Variants in WFDC1 observed in about 807,000 individuals in gnomAD.
WFDC1 encodes WAP four-disulfide core domain protein 1.
A neutral mutation model predicts 32.9 loss-of-function variants in WFDC1; 39 were observed. That is an observed-to-expected ratio of 1.19 (90% CI 0.92 to 1.55). The LOEUF is 1.55. WFDC1 is among the 40% of genes most tolerant of loss of function. The pLI, the probability that WFDC1 is intolerant of heterozygous loss-of-function variation, is 0.00. For synonymous variants in WFDC1, 184 were observed against 137.4 expected, an observed-to-expected ratio of 1.34 and a Z score of -2.37; for missense variants, 386 against 309.5, an observed-to-expected ratio of 1.25 and a Z score of -1.85.
At chr16:84,319,335 C>A (rs942146372) in intron 3 of WFDC1, 96 bp from the exon 4 acceptor site, 33 of 1,520,798 alleles carry the variant, frequency 2.2e-5, no homozygotes, top group Non-Finnish European at 2.7e-5. Context: ...AGGTGCGTTC[C>A]CTGCACCCGT....
chr16:84,317,479 T>C (rs71404159), intron 2 of WFDC1: 9,119 of 152,258 alleles, frequency 0.06, 411 homozygotes, highest in Non-Finnish European at 0.087. Context: ...GCTGTGGCCC[T>C]GCCTGGTCTG....
At chr16:84,299,176 C>T (rs1906784608) in intron 1 of WFDC1, among the ~76,000 whole-genome samples, 1 of 152,016 alleles carries the variant, frequency 6.6e-6, no homozygotes, top group Non-Finnish European at 1.5e-5. Context: ...GCCTGACCAA[C>T]ATGGAGAAAC....
chr16:84,318,157 T>C, intron 2 of WFDC1, 115 bp from the exon 3 acceptor site: 1 of 898,242 alleles, frequency 1.1e-6, no homozygotes, highest in Non-Finnish European at 1.8e-6. Context: ...ACCATAGTTA[T>C]TTCTCCCATG....
At chr16:84,308,634 T>C (rs138360096) in intron 1 of WFDC1, among the ~76,000 whole-genome samples, 39 of 152,186 alleles carry the variant, frequency 2.6e-4, no homozygotes, top group Non-Finnish European at 4.3e-4. Flanking sequence ...TGAGTGTAGA[T>C]GCCCGCCTGG....
intron 6 of WFDC1, chr16:84,327,284 A>G (rs12600103): frequency 0.32 from 84,909 of 261,556 alleles, 14,303 homozygotes; most frequent in African/African-American, 0.41. Flanking sequence ...TCAGACTCCT[A>G]GGCTCAAGCC....
Position 84,318,199 on chromosome 16 carries a change from GC to G in WFDC1, c.338-68del, listed in dbSNP as rs1445101257. 229 of 1,441,956 alleles carry G rather than the reference GC, an allele frequency of 1.6e-4. 2 individuals carry two copies. Among genetic ancestry groups the G allele is most frequent in the South Asian group, 1.4e-3 (122 of 86,338 alleles). 89.3% of individuals were successfully genotyped at this position (1,441,956 alleles called of 1,614,324 possible). A position where few individuals can be genotyped will look rare whatever the true frequency, so the allele number is the denominator to read the frequency against. ...CTCTGTGCTGTCATGAAGTTGGGGT[GC>G]CCCCAGCCCCCAAGCCTGGGCGTTT... On this transcript the variant is annotated intron_variant, in intron 2 of 6. Coordinates refer to ENST00000219454, the MANE Select transcript of WFDC1 (RefSeq NM_021197.4).
intron 6 of WFDC1, chr16:84,327,249 G>A: frequency 2.9e-6 from 1 of 347,316 alleles, no homozygotes; most frequent in Non-Finnish European, 5.4e-6. Flanking sequence ...GGAGTGCACT[G>A]GCACAATCAT....
At chr16:84,312,317 C>A (rs1459827007) in intron 1 of WFDC1, among the ~76,000 whole-genome samples, 1 of 152,194 alleles carries the variant, frequency 6.6e-6, no homozygotes, top group Non-Finnish European at 1.5e-5. Flanking sequence ...CACGTGTTCC[C>A]AGCCAGTCAC....
rs904040943 is a variant in WFDC1 at position 84,328,134 on chromosome 16, G to A, written c.*15+1179G>A. On this transcript the variant is annotated intron_variant, in intron 6 of 6. Transcript: ENST00000219454. Reference sequence around the variant, plus strand: ...CTTGGGGAGGGTCTGGAGGATAGGCGCCCAGGTGGAGGGAGTTGGAAGAGT... The same window carrying A: ...CTTGGGGAGGGTCTGGAGGATAGGCACCCAGGTGGAGGGAGTTGGAAGAGT... 5.2e-5 allele frequency: 8 copies of A among 152,790 alleles called. No homozygotes were observed. In the East Asian group the frequency reaches 9.6e-4, roughly 18 times the overall value. The allele number at this position is 152,790 out of a possible 1,614,324, so 9.5% of individuals were successfully genotyped here. A position where few individuals can be genotyped will look rare whatever the true frequency, so the allele number is the denominator to read the frequency against.
chr16:84,302,724 C>T (rs1907016237), intron 1 of WFDC1, among the ~76,000 whole-genome samples: 1 of 152,194 alleles, frequency 6.6e-6, no homozygotes, highest in Non-Finnish European at 1.5e-5. Context: ...AATTCGTTCG[C>T]CTTATCTGTG....
At position 84,311,384 on chromosome 16, in the gene WFDC1, A is replaced by ATTTTTTTTTTTTTTT. The variant is rs747950638; in HGVS notation, c.145-1569_145-1568insTTTTTTTTTTTTTTT. On this transcript the variant is annotated intron_variant, in intron 1 of 6. Coordinates refer to ENST00000219454, the MANE Select transcript of WFDC1 (RefSeq NM_021197.4). ...AGGTGCTCGCCACCACGCCCGGCTA[A>ATTTTTTTTTTTTTTT]TTTTTTTTCTTTTTTTTGTATTTTT... Among the ~76,000 whole-genome samples, 395 of 118,046 alleles carry ATTTTTTTTTTTTTTT rather than the reference A, an allele frequency of 3.3e-3. 1 individual carries two copies. Among genetic ancestry groups the ATTTTTTTTTTTTTTT allele is most frequent in the East Asian group, 0.011 (36 of 3,412 alleles). 77.4% of individuals were successfully genotyped at this position (118,046 alleles called of 152,430 possible).
At chr16:84,315,080 G>A (rs758653986) in intron 2 of WFDC1, among the ~76,000 whole-genome samples, 8 of 152,260 alleles carry the variant, frequency 5.3e-5, no homozygotes, top group Non-Finnish European at 1.2e-4. Context: ...TGACTGTAGA[G>A]AAGTGTTCAT....
chr16:84,319,345 TC>T (rs1908155795), intron 3 of WFDC1, 85 bp from the exon 4 acceptor site: 1 of 1,546,226 alleles, frequency 6.5e-7, no homozygotes, highest in Admixed American at 1.8e-5. Context: ...CCTGCACCCG[TC>T]CCGGGAGTCT....
In WFDC1 at chr16:84,318,269, T is replaced by C. The variant is rs771855856; in HGVS notation, c.338-3T>C. 4.3e-6 allele frequency: 7 copies of C among 1,614,124 alleles called. No individual in the cohort carries two copies. Among genetic ancestry groups the C allele is most frequent in the Non-Finnish European group, 5.9e-6 (7 of 1,179,950 alleles). On this transcript the variant is annotated splice_region_variant and splice_polypyrimidine_tract_variant and intron_variant, in intron 2 of 6. Coordinates refer to ENST00000219454, the MANE Select transcript of WFDC1 (RefSeq NM_021197.4). ...GCCCTGATCTGACCCCGTATTGTGT[T>C]AGTCTTAGACTGGCTGGTGCAGCCG...
rs534750593 is a variant in WFDC1 at position 84,312,748 on chromosome 16, G to A, written c.145-213G>A. Reference sequence around the variant, plus strand: ...CTTATCCTTTTGCTCTGGGCTTTCAGTTATTTCGTGCCGACTGTTATAAAA... The same window carrying A: ...CTTATCCTTTTGCTCTGGGCTTTCAATTATTTCGTGCCGACTGTTATAAAA... On this transcript the variant is annotated intron_variant, in intron 1 of 6. Coordinates refer to ENST00000219454, the MANE Select transcript of WFDC1 (RefSeq NM_021197.4). Among the ~76,000 whole-genome samples, 3 of 152,258 alleles carry A rather than the reference G, an allele frequency of 2.0e-5. No homozygotes were observed. In the South Asian group the frequency reaches 6.2e-4, roughly 32 times the overall value.
chr16:84,299,454 A>T (rs1906806153), intron 1 of WFDC1, among the ~76,000 whole-genome samples: 1 of 152,092 alleles, frequency 6.6e-6, no homozygotes, highest in African/African-American at 2.4e-5. Context: ...ACAGAAGCAG[A>T]ACGTTTGTAA....
chr16:84,302,795 G>A (rs1420221033), intron 1 of WFDC1, among the ~76,000 whole-genome samples: 5 of 152,148 alleles, frequency 3.3e-5, no homozygotes, highest in Non-Finnish European at 5.9e-5. Flanking sequence ...CAGGGCCAAC[G>A]TCTTCTGGTT....
chr16:84,312,698 C>T lies in WFDC1; in HGVS notation c.145-263C>T, dbSNP rs564322093. On this transcript the variant is annotated intron_variant, in intron 1 of 6. Transcript: ENST00000219454. ...ACCGGGTAGATACTTAAGTAATTGTCCTTCAGCAAACACACCAAGATTTGC... is the reference window on the plus strand; with the variant it reads ...ACCGGGTAGATACTTAAGTAATTGTTCTTCAGCAAACACACCAAGATTTGC... Among the ~76,000 whole-genome samples, 18 of 152,252 alleles carry T rather than the reference C, an allele frequency of 1.2e-4. No homozygotes were observed. The East Asian group carries it at 1.5e-3, about 13-fold the overall frequency.
chr16:84,295,563 C>G (rs1388291043), intron 1 of WFDC1: 1 of 192,358 alleles, frequency 5.2e-6, no homozygotes, highest in African/African-American at 2.3e-5. Flanking sequence ...AGAAACCGCT[C>G]TGGGGAAGGC....
Sources: allele counts gnomAD v4.1 joint callset (sites outside exome capture counted in the v4.1 genomes callset), GRCh38; gene constraint gnomAD v4.1.1; transcripts MANE v1.5; gene names NCBI Gene and HGNC (gene_info 2026-07-23, HGNC 2026-07-21).